CHD2: variants seen among roughly 807,000 people sequenced by gnomAD.
CHD2 encodes ATP-dependent chromatin remodeler CHD2.
In CHD2, 28 loss-of-function variants were observed where a neutral mutation model predicts 243.9. That is an observed-to-expected ratio of 0.11 (90% CI 0.09 to 0.16). The LOEUF is 0.16. Among genes scored for constraint, CHD2 ranks in the 10% least tolerant of loss-of-function variants. The pLI is 1.00. For synonymous variants in CHD2, 775 were observed against 779.0 expected, an observed-to-expected ratio of 0.99 and a Z score of 0.09; for missense variants, 1,386 against 2,209.8, an observed-to-expected ratio of 0.63 and a Z score of 7.47.
Position 92,998,333 on chromosome 15 carries a change from C to T in CHD2, c.3886-166C>T. On this transcript the variant is annotated intron_variant, in intron 30 of 38. Transcript: ENST00000394196. This position sits in a 1 kb window ranked among gnomAD's most constrained non-coding sequence, Gnocchi z 5.1. ...ATGAGAACGGCTCGTGAGGGATTTTCAGTGACTGGGAGCCATGGACATGAG... is the reference window on the plus strand; with the variant it reads ...ATGAGAACGGCTCGTGAGGGATTTTTAGTGACTGGGAGCCATGGACATGAG... 1 of 1,361,102 alleles carries T rather than the reference C, an allele frequency of 7.3e-7. No individual in the cohort carries two copies. The highest frequency in any genetic ancestry group is 9.7e-7 in the Non-Finnish European group (1 of 1,030,542). The allele number at this position is 1,361,102 out of a possible 1,614,324, so 84.3% of individuals were successfully genotyped here. A position where few individuals can be genotyped will look rare whatever the true frequency, so the allele number is the denominator to read the frequency against.
At chr15:92,946,915 T>C (rs1156884994) in intron 12 of CHD2, 2 of 149,984 alleles carry the variant, frequency 1.3e-5, no homozygotes, top group African/African-American at 2.4e-5. Flanking sequence ...CTGGGGAAGA[T>C]TGTGATACCC....
At chr15:92,908,372 C>CT (rs1259551033) in intron 2 of CHD2, among the ~76,000 whole-genome samples, 1 of 152,212 alleles carries the variant, frequency 6.6e-6, no homozygotes, top group Non-Finnish European at 1.5e-5. Flanking sequence ...TGCAAGTCTG[C>CT]TTAAACTATA....
chr15:93,021,763 T>C (rs537627159), intron 38 of CHD2: 1 of 152,368 alleles, frequency 6.6e-6, no homozygotes, highest in Admixed American at 6.5e-5. Flanking sequence ...AACACAGATA[T>C]AACAATGGTT....
chr15:92,994,726 A>G (rs900941143), intron 28 of CHD2, among the ~76,000 whole-genome samples: 2 of 152,210 alleles, frequency 1.3e-5, no homozygotes, highest in African/African-American at 2.4e-5. Flanking sequence ...TCCCTTTTAA[A>G]TGGTAGTACA....
intron 24 of CHD2, among the ~76,000 whole-genome samples, chr15:92,982,974 G>A (rs2141849005): frequency 6.6e-6 from 1 of 152,208 alleles, no homozygotes; most frequent in Non-Finnish European, 1.5e-5. Flanking sequence ...TTTGAGATCA[G>A]GGTGCCAACA....
intron 16 of CHD2, among the ~76,000 whole-genome samples, chr15:92,958,028 C>G (rs2053638399): frequency 6.6e-6 from 1 of 152,028 alleles, no homozygotes; most frequent in Non-Finnish European, 1.5e-5. Flanking sequence ...TTCATTGCAT[C>G]CAGTTACCGG....
chr15:93,000,819 G>C (rs940012634), intron 32 of CHD2, among the ~76,000 whole-genome samples, 179 bp downstream of exon 32: 12 of 152,164 alleles, frequency 7.9e-5, no homozygotes, highest in Non-Finnish European at 1.5e-5. Flanking sequence ...CTGCAAATTT[G>C]TACATAATGG....
chr15:92,901,395 G>C (rs1178422455), intron 2 of CHD2, 96 bp downstream of exon 2: 1 of 732,994 alleles, frequency 1.4e-6, no homozygotes, highest in African/African-American at 1.8e-5. Flanking sequence ...ATTGCTGTCT[G>C]TTTTATTGTG....
chr15:93,000,671 T>G, intron 32 of CHD2, 31 bp downstream of exon 32: 1 of 1,593,966 alleles, frequency 6.3e-7, no homozygotes, highest in Non-Finnish European at 8.5e-7. Flanking sequence ...TGAGGGTTAT[T>G]TATTTATTTT....
chr15:93,019,160 G>A (rs1396396617), intron 37 of CHD2, among the ~76,000 whole-genome samples: 1 of 152,190 alleles, frequency 6.6e-6, no homozygotes, highest in African/African-American at 2.4e-5. Context: ...CCATTTTTGT[G>A]TGTGTGTGCA....
intron 2 of CHD2, among the ~76,000 whole-genome samples, chr15:92,906,093 A>G (rs1412295512): frequency 3.3e-5 from 5 of 152,240 alleles, no homozygotes; most frequent in Non-Finnish European, 7.3e-5. Flanking sequence ...ACCATGATAT[A>G]ACAATTTACC....
intron 10 of CHD2, chr15:92,945,112 T>G (rs896722018): frequency 1.3e-5 from 2 of 150,828 alleles, no homozygotes; most frequent in Non-Finnish European, 2.9e-5. Flanking sequence ...TGAGAGAGAG[T>G]GGTGTACTGG....
chr15:92,921,720 G>C (rs2052959681), intron 2 of CHD2, among the ~76,000 whole-genome samples: 1 of 152,138 alleles, frequency 6.6e-6, no homozygotes, highest in Non-Finnish European at 1.5e-5. Flanking sequence ...TTTGGGTAGG[G>C]CTTTGGCATT....
Position 93,014,729 on chromosome 15 carries a change from A to G in CHD2, c.4726A>G (p.Lys1576Glu). Residue 1576 changes from lysine (K) to glutamate (E), a missense_variant, in exon 37 of 39, where the codon AAG (lysine) becomes GAG (glutamate). Around this residue, in one of 19 missense-constraint regions of CHD2, gnomAD observed 347 missense variants for 341.6 expected, o/e 1.02. Coordinates refer to ENST00000394196, the MANE Select transcript of CHD2 (RefSeq NM_001271.4). ...QKKKDDVTGGKKPFRPEASGS... is the reference protein window; with the variant it reads ...QKKKDDVTGGEKPFRPEASGS... ...GAAGAAAGACGACGTGACTGGGGGTAAGAAACCATTTCGTCCAGAGGCCTC... is the reference window on the plus strand; with the variant it reads ...GAAGAAAGACGACGTGACTGGGGGTGAGAAACCATTTCGTCCAGAGGCCTC... 6.2e-7 allele frequency: 1 copy of G among 1,614,172 alleles called. No individual in the cohort carries two copies. Among genetic ancestry groups the G allele is most frequent in the Non-Finnish European group, 8.5e-7 (1 of 1,180,024 alleles).
chr15:92,970,173 A>G (rs1403692517), intron 17 of CHD2, among the ~76,000 whole-genome samples: 2 of 151,892 alleles, frequency 1.3e-5, no homozygotes, highest in Admixed American at 1.3e-4. Flanking sequence ...TCTTCCCTCC[A>G]TTCTAGTCCA....
In CHD2 at chr15:92,900,342, C is replaced by T. The variant is rs2052511778; in HGVS notation, c.-554C>T. The T allele has an allele frequency of 2.6e-6, 1 of 382,772 alleles. No homozygotes were observed. Among genetic ancestry groups the T allele is most frequent in the East Asian group, 3.7e-5 (1 of 26,892 alleles). 23.7% of individuals were successfully genotyped at this position (382,772 alleles called of 1,614,324 possible). A position where few individuals can be genotyped will look rare whatever the true frequency, so the allele number is the denominator to read the frequency against. On this transcript the variant is annotated 5_prime_UTR_variant, in exon 1 of 39. Transcript: ENST00000394196. ...AGCTCTCAGAGCTGGGAAGGAGGCT[C>T]TAGATGGCGGCTGTGCCTTAGAGAG...
chr15:92,910,286 A>C (rs979789809), intron 2 of CHD2, among the ~76,000 whole-genome samples: 4 of 152,196 alleles, frequency 2.6e-5, no homozygotes, highest in African/African-American at 9.7e-5. Context: ...TATGAAAGTC[A>C]GTATAGCAAA....
chr15:92,925,215 A>G (rs1332952768), intron 3 of CHD2, among the ~76,000 whole-genome samples: 7 of 152,178 alleles, frequency 4.6e-5, no homozygotes, highest in Admixed American at 4.6e-4. Flanking sequence ...TTTGATAATC[A>G]TTATCCTAAA....
At chr15:92,901,907 G>A (rs2052534081) in intron 2 of CHD2, 1 of 329,798 alleles carries the variant, frequency 3.0e-6, no homozygotes, top group Middle Eastern at 7.9e-4. Context: ...AAATTTTGAT[G>A]TGATTTATCA....
Sources: gnomAD v4.1 joint callset for allele counts (sites outside exome capture counted in the v4.1 genomes callset) on GRCh38, gnomAD v4.1.1 for gene constraint, gnomAD v4.1.1 regional missense constraint, Gnocchi (gnomAD v3.1) non-coding constraint, MANE v1.5 for transcripts, NCBI Gene and HGNC (gene_info 2026-07-23, HGNC 2026-07-21) for gene names.